The following RALGAPA1 variants were observed in gnomAD, a reference collection of about 807,000 sequenced individuals.
RALGAPA1 encodes Ral GTPase activating protein catalytic subunit alpha 1, also known as ral GTPase-activating protein subunit alpha-1.
RALGAPA1 carries 52 observed loss-of-function variants against 269.6 expected under a neutral mutation model. The ratio of observed to expected loss-of-function variants is 0.19; its 90% CI spans 0.15 to 0.24. RALGAPA1 has a LOEUF of 0.24. Ranked by LOEUF, RALGAPA1 falls within the 10% of genes least tolerant of loss-of-function variation. The pLI is 1.00. For synonymous variants in RALGAPA1, 817 were observed against 1,008.3 expected (o/e 0.81, Z 3.60); for missense variants, 1,917 against 3,013.9 (o/e 0.64, Z 8.52).
At chr14:35,742,275 A>T in intron 11 of RALGAPA1, 93 bp downstream of exon 11, 1 of 934,880 alleles carries the variant, frequency 1.1e-6, no homozygotes, top group Non-Finnish European at 1.6e-6. Flanking sequence ...CTTCCCATTT[A>T]ATAAGTATAT....
intron 10 of RALGAPA1, chr14:35,748,362 A>G: frequency 1.2e-5 from 4 of 328,396 alleles, no homozygotes; most frequent in Middle Eastern, 8.3e-4. Context: ...ATAATCAGTA[A>G]TTTCTCTCTC....
intron 3 of RALGAPA1, among the ~76,000 whole-genome samples, chr14:35,771,940 C>G (rs2074661356): frequency 6.6e-6 from 1 of 152,158 alleles, no homozygotes; most frequent in Non-Finnish European, 1.5e-5. Context: ...TTTCTCCTAT[C>G]TTGATAATCC....
chr14:35,626,123 C>T (rs1274387779), intron 34 of RALGAPA1, among the ~76,000 whole-genome samples: 1 of 152,100 alleles, frequency 6.6e-6, no homozygotes, highest in African/African-American at 2.4e-5. Flanking sequence ...TATAACATTT[C>T]CTATAAGGCA....
intron 1 of RALGAPA1, among the ~76,000 whole-genome samples, chr14:35,800,320 A>C (rs12323689): frequency 0.11 from 16,979 of 152,226 alleles, 1,574 homozygotes; most frequent in East Asian, 0.37. Flanking sequence ...GAAATTTATC[A>C]AGTTAAAATG....
At position 35,668,897 on chromosome 14, in the gene RALGAPA1, T is replaced by A. The variant is rs1010285271; in HGVS notation, c.5202+2492A>T. Among the ~76,000 whole-genome samples, 7 of 152,302 alleles carry A rather than the reference T, an allele frequency of 4.6e-5. No homozygotes were observed. The East Asian group carries it at 5.8e-4, about 13-fold the overall frequency. ...TACTTTATCTCAATGATTTTTTTTT[T>A]AAATAAAGTACCTTTCAATTCTTTT... On this transcript the variant is annotated intron_variant, in intron 26 of 41. Coordinates refer to ENST00000680220, the MANE Select transcript of RALGAPA1 (RefSeq NM_001346249.2).
intron 35 of RALGAPA1, among the ~76,000 whole-genome samples, chr14:35,624,834 A>C (rs182410541): frequency 6.6e-6 from 1 of 152,304 alleles, no homozygotes; most frequent in Non-Finnish European, 1.5e-5. Context: ...GAAAAACCAA[A>C]GGCTATTTTA....
chr14:35,809,048 C>G lies in RALGAPA1; in HGVS notation c.-213G>C. 1.3e-6 allele frequency: 1 copy of G among 790,464 alleles called. No homozygotes were observed. The highest frequency in any genetic ancestry group is 1.9e-5 in the South Asian group (1 of 52,464). The allele number at this position is 790,464 out of a possible 1,614,324, so 49.0% of individuals were successfully genotyped here. A position where few individuals can be genotyped will look rare whatever the true frequency, so the allele number is the denominator to read the frequency against. Reference sequence around the variant, plus strand: ...CGCCGCGGCTCCAAGGCACCTTCGGCCCCAGCTCCAATATGGCGGATCCCT... The same window carrying G: ...CGCCGCGGCTCCAAGGCACCTTCGGGCCCAGCTCCAATATGGCGGATCCCT... On this transcript the variant is annotated 5_prime_UTR_variant, in exon 1 of 42. Transcript: ENST00000680220.
chr14:35,696,643 C>G (rs866357173), intron 17 of RALGAPA1, among the ~76,000 whole-genome samples: 17 of 151,972 alleles, frequency 1.1e-4, no homozygotes, highest in Middle Eastern at 3.4e-3. Flanking sequence ...CCCTTTACCT[C>G]CCCAATTATC....
intron 11 of RALGAPA1, 83 bp from the exon 12 acceptor site, chr14:35,738,733 T>C: frequency 8.9e-7 from 1 of 1,119,070 alleles, no homozygotes; most frequent in Admixed American, 2.3e-5. Flanking sequence ...TAAATGAAAT[T>C]GTTAGGTCCC....
At chr14:35,623,603 G>A (rs541802380) in intron 35 of RALGAPA1, among the ~76,000 whole-genome samples, 1 of 152,272 alleles carries the variant, frequency 6.6e-6, no homozygotes, top group East Asian at 1.9e-4. Flanking sequence ...TTATATAGGT[G>A]TTGTTACAAA....
chr14:35,674,146 A>G, intron 24 of RALGAPA1, 34 bp downstream of exon 24: 1 of 1,459,242 alleles, frequency 6.9e-7, no homozygotes, highest in Non-Finnish European at 9.5e-7. Flanking sequence ...GTAAATGAGA[A>G]GTTTTAAACT....
Position 35,570,518 on chromosome 14 carries a change from A to C in RALGAPA1, c.7496+99T>G, listed in dbSNP as rs1401911414. 2.0e-5 allele frequency: 20 copies of C among 977,320 alleles called. 1 individual carries two copies. In the South Asian group the frequency reaches 4.2e-4, roughly 20 times the overall value. 60.5% of individuals were successfully genotyped at this position (977,320 alleles called of 1,614,324 possible). A position where few individuals can be genotyped will look rare whatever the true frequency, so the allele number is the denominator to read the frequency against. ...TCTACAAAAAATAATAATTAAAAAA[A>C]CCCTAGAAAATAAAAGGCTTTAACA... On this transcript the variant is annotated intron_variant, in intron 39 of 41. Transcript: ENST00000680220.
intron 31 of RALGAPA1, among the ~76,000 whole-genome samples, chr14:35,643,001 C>T (rs940683375): frequency 8.5e-5 from 13 of 152,124 alleles, no homozygotes; most frequent in African/African-American, 2.7e-4. Context: ...TACTATGCAG[C>T]CATAAAAAGG....
intron 35 of RALGAPA1, among the ~76,000 whole-genome samples, chr14:35,614,791 A>ATC (rs2060149495): frequency 6.6e-6 from 1 of 152,138 alleles, no homozygotes; most frequent in African/African-American, 2.4e-5. Flanking sequence ...AAAAAAACTC[A>ATC]GTGTTTTTGC....
At chr14:35,653,851 A>T (rs1484020743) in intron 30 of RALGAPA1, among the ~76,000 whole-genome samples, 1 of 152,192 alleles carries the variant, frequency 6.6e-6, no homozygotes, top group Non-Finnish European at 1.5e-5. Context: ...TGACTGGCTA[A>T]AGAGGAAAGA....
chr14:35,626,263 C>A (rs954655378), intron 34 of RALGAPA1, among the ~76,000 whole-genome samples: 3 of 152,020 alleles, frequency 2.0e-5, no homozygotes, highest in Non-Finnish European at 4.4e-5. Context: ...AGAGTATAAA[C>A]ACTAAGCAAA....
At chr14:35,782,917 A>C (rs1254963655) in intron 1 of RALGAPA1, among the ~76,000 whole-genome samples, 1 of 151,816 alleles carries the variant, frequency 6.6e-6, no homozygotes, top group Non-Finnish European at 1.5e-5. Flanking sequence ...AACCTCCCAG[A>C]CTCAAGCAAT....
At chr14:35,735,377 C>T (rs969993363) in intron 12 of RALGAPA1, among the ~76,000 whole-genome samples, 2 of 152,130 alleles carry the variant, frequency 1.3e-5, no homozygotes, top group African/African-American at 2.4e-5. Flanking sequence ...TACTATTCAG[C>T]CATAAAAAGG....
Position 35,623,965 on chromosome 14 carries a change from T to C in RALGAPA1, c.6929+1396A>G, listed in dbSNP as rs530818972. On this transcript the variant is annotated intron_variant, in intron 35 of 41. Coordinates refer to ENST00000680220, the MANE Select transcript of RALGAPA1 (RefSeq NM_001346249.2). ...GGGCGTGGTGGCGGGCAAGTGCCTG[T>C]AGTCCCAGCTACTCTGAAGGCTGAG... Among the ~76,000 whole-genome samples the C allele has an allele frequency of 5.4e-3, 815 of 151,818 alleles. 7 individuals carry two copies. The highest frequency in any genetic ancestry group is 0.019 in the African/African-American group (768 of 41,344).
Sources: gnomAD v4.1 joint callset for allele counts (sites outside exome capture counted in the v4.1 genomes callset) on GRCh38, gnomAD v4.1.1 for gene constraint, MANE v1.5 for transcripts, NCBI Gene and HGNC (gene_info 2026-07-23, HGNC 2026-07-21) for gene names.